GLYR1: variants seen among roughly 807,000 people sequenced by gnomAD.
GLYR1 encodes glyoxylate reductase 1 homolog.
Under a neutral mutation model 72.7 loss-of-function variants are expected in GLYR1, and 21 were observed. The ratio of observed to expected loss-of-function variants is 0.29; its 90% CI spans 0.20 to 0.42. GLYR1 has a LOEUF of 0.42. GLYR1 is among the 10% of genes least tolerant of loss of function. GLYR1 has a pLI of 1.00. For missense variants in GLYR1, 594 were observed against 712.1 expected (o/e 0.83, Z 1.89); for synonymous variants, 392 against 270.2 (o/e 1.45, Z -4.42).
intron 3 of GLYR1, among the ~76,000 whole-genome samples, chr16:4,837,386 G>T (rs1359377677): frequency 6.6e-6 from 1 of 151,560 alleles, no homozygotes; most frequent in Non-Finnish European, 1.5e-5. Context: ...AGTGCAGATC[G>T]TGCTACTGCA....
intron 15 of GLYR1, among the ~76,000 whole-genome samples, chr16:4,809,816 C>T (rs1242037036): frequency 6.6e-6 from 1 of 151,546 alleles, no homozygotes; most frequent in Non-Finnish European, 1.5e-5. Context: ...CCCAGCTACT[C>T]AAGAGGCTGA....
chr16:4,822,754 A>G, intron 7 of GLYR1, 121 bp downstream of exon 7: 1 of 795,208 alleles, frequency 1.3e-6, no homozygotes, highest in South Asian at 1.5e-5. Context: ...CTTCTGGGCT[A>G]GTTGCTCTGG....
intron 5 of GLYR1, among the ~76,000 whole-genome samples, chr16:4,826,768 G>C (rs569352032): frequency 2.0e-5 from 3 of 152,228 alleles, no homozygotes; most frequent in Non-Finnish European, 2.9e-5. Context: ...TGATGGAGAA[G>C]CTGCATTTTA....
chr16:4,843,037 C>G (rs2085680592), intron 3 of GLYR1, among the ~76,000 whole-genome samples: 1 of 152,174 alleles, frequency 6.6e-6, no homozygotes, highest in African/African-American at 2.4e-5. Context: ...ATGTTTACAA[C>G]TTGTCACTTG....
chr16:4,826,575 G>A (rs2084391305), intron 5 of GLYR1, among the ~76,000 whole-genome samples: 2 of 152,188 alleles, frequency 1.3e-5, no homozygotes, highest in African/African-American at 2.4e-5. Flanking sequence ...CCAGGCATTT[G>A]GCCTATAGGA....
At chr16:4,846,308 G>C in intron 1 of GLYR1, 98 bp from the exon 2 acceptor site, 1 of 1,363,396 alleles carries the variant, frequency 7.3e-7, no homozygotes. Flanking sequence ...ATCTCTGCTG[G>C]CATCCTCAAA....
chr16:4,829,063 A>G (rs1344961515), intron 5 of GLYR1, among the ~76,000 whole-genome samples: 1 of 151,976 alleles, frequency 6.6e-6, no homozygotes, highest in Non-Finnish European at 1.5e-5. Flanking sequence ...GTTCCCTATA[A>G]AGTTCTCTCT....
intron 14 of GLYR1, 71 bp from the exon 15 acceptor site, chr16:4,811,365 G>A: frequency 6.3e-7 from 1 of 1,589,282 alleles, no homozygotes; most frequent in South Asian, 1.1e-5. Context: ...GGTCCACCAG[G>A]TGTCAGTACC....
intron 7 of GLYR1, 127 bp downstream of exon 7, chr16:4,822,748 T>C: frequency 1.3e-6 from 1 of 773,596 alleles, no homozygotes; most frequent in South Asian, 1.5e-5. Flanking sequence ...TGGGGGCTTC[T>C]GGGCTAGTTG....
intron 5 of GLYR1, 143 bp from the exon 6 acceptor site, chr16:4,824,050 C>T (rs958263618): frequency 2.8e-5 from 17 of 602,628 alleles, no homozygotes; most frequent in Non-Finnish European, 4.4e-5. Context: ...CAAGCCAGTT[C>T]TTCCCATTAA....
At chr16:4,810,156 G>A (rs1467943915) in intron 15 of GLYR1, among the ~76,000 whole-genome samples, 1 of 152,088 alleles carries the variant, frequency 6.6e-6, no homozygotes, top group Non-Finnish European at 1.5e-5. Context: ...TATAAAGAAA[G>A]CAGGATTAAA....
At chr16:4,817,744 A>T (rs1214439579) in intron 9 of GLYR1, 47 bp from the exon 10 acceptor site, 1 of 1,158,658 alleles carries the variant, frequency 8.6e-7, no homozygotes, top group South Asian at 1.2e-5. Flanking sequence ...AGGGAGGGTC[A>T]CGGTGATGAT....
intron 5 of GLYR1, 149 bp downstream of exon 5, chr16:4,831,830 G>T: frequency 8.6e-7 from 1 of 1,166,640 alleles, no homozygotes; most frequent in Non-Finnish European, 1.2e-6. Flanking sequence ...CACCGCACCT[G>T]CCCTGCAGGA....
intron 5 of GLYR1, among the ~76,000 whole-genome samples, chr16:4,825,780 T>C (rs2084343779): frequency 6.6e-6 from 1 of 151,990 alleles, no homozygotes; most frequent in Non-Finnish European, 1.5e-5. Context: ...GCCTCCTGAG[T>C]AGCTGGGACC....
chr16:4,847,175 C>G lies in GLYR1; in HGVS notation c.38+53G>C. 3 of 1,541,938 alleles carry G rather than the reference C, an allele frequency of 1.9e-6. No homozygotes were observed. In the South Asian group the frequency reaches 3.5e-5, roughly 18 times the overall value. ...CCAGGGCCGGCAGCGAACCCCGCGC[C>G]CAGGCGGGTAGCTCCCCGGCGCGTC... On this transcript the variant is annotated intron_variant, in intron 1 of 15. Coordinates refer to ENST00000321919, the MANE Select transcript of GLYR1 (RefSeq NM_032569.4).
In GLYR1 at chr16:4,814,606, G is replaced by A; in HGVS notation, c.948C>T (p.Thr316=). The change falls in exon 11 of 16, where the codon ACC becomes ACT. Residue 316 remains threonine (T), a synonymous_variant. Coordinates refer to ENST00000321919, the MANE Select transcript of GLYR1 (RefSeq NM_032569.4). Reference sequence around the variant, plus strand: ...CGCAGGTTGAGACGACTTCAGCGGGGGTTCTTCCCAGACGGGCCCCCTCCT... The same window carrying A: ...CGCAGGTTGAGACGACTTCAGCGGGAGTTCTTCCCAGACGGGCCCCCTCCT... ...FIQEGARLGR[T]PAEVVSTCDI... The A allele has an allele frequency of 6.2e-7, 1 of 1,614,156 alleles. No homozygotes were observed. The highest frequency in any genetic ancestry group is 8.5e-7 in the Non-Finnish European group (1 of 1,180,024).
chr16:4,837,563 TAA>T (rs2085224819), intron 3 of GLYR1, among the ~76,000 whole-genome samples: 1 of 151,530 alleles, frequency 6.6e-6, no homozygotes. Context: ...GCCGTGAAGC[TAA>T]GAGAAAGAGA....
intron 3 of GLYR1, among the ~76,000 whole-genome samples, chr16:4,836,534 T>G (rs534601395): frequency 1.3e-5 from 2 of 152,302 alleles, no homozygotes; most frequent in East Asian, 3.9e-4. Context: ...CACATTGTGA[T>G]AGTAAATAGC....
Position 4,831,955 on chromosome 16 carries a change from G to A in GLYR1, c.537+24C>T, listed in dbSNP as rs778671266. 3.0e-5 allele frequency: 48 copies of A among 1,607,122 alleles called. No homozygotes were observed. The Middle Eastern group carries it at 5.0e-4, about 17-fold the overall frequency. On this transcript the variant is annotated intron_variant, in intron 5 of 15. Transcript: ENST00000321919. ...GTACTAAAAGGACATCACTAATCCC[G>A]GAAGCTGCAGAGAGAAAACAAACCT...
Sources: allele counts gnomAD v4.1 joint callset (sites outside exome capture counted in the v4.1 genomes callset), GRCh38; gene constraint gnomAD v4.1.1; transcripts MANE v1.5; gene names NCBI Gene and HGNC (gene_info 2026-07-23, HGNC 2026-07-21).